Variants in CELF2 observed in about 807,000 individuals in gnomAD.
CELF2 encodes the protein CUG triplet repeat RNA-binding protein 2.
In CELF2, 8 loss-of-function variants were observed where a neutral mutation model predicts 62.6. That is an observed-to-expected ratio of 0.13 (90% CI 0.07 to 0.23). The LOEUF (loss-of-function observed/expected upper bound fraction) is 0.23. Among genes scored for constraint, CELF2 ranks in the 10% least tolerant of loss-of-function variants. CELF2 has a pLI of 1.00. For synonymous variants in CELF2, 258 were observed against 250.0 expected (o/e 1.03, Z -0.30); for missense variants, 333 against 671.0 (o/e 0.50, Z 5.56).
intron 1 of CELF2, among the ~76,000 whole-genome samples, chr10:10,870,816 G>T (rs558375203): frequency 6.6e-6 from 1 of 152,280 alleles, no homozygotes; most frequent in East Asian, 1.9e-4. Flanking sequence ...GGTGACAGTC[G>T]CGCTGGCCTG....
At position 11,027,317 on chromosome 10, in the gene CELF2, C is replaced by A. The variant is rs111460233; in HGVS notation, c.74+9154C>A. 8.2e-3 allele frequency among the ~76,000 whole-genome samples: 1,256 copies of A among 152,288 alleles called. 19 individuals are homozygous for A. Among genetic ancestry groups the A allele is most frequent in the African/African-American group, 0.029 (1,193 of 41,544 alleles). The stretch of plus-strand genomic sequence containing the variant: ...CTCGTTCCCCCTTTTCTTTTACGCT[C>A]TGATGTCCGAAAGTTGCCGCCAGCA... On this transcript the variant is annotated intron_variant, in intron 1 of 12. Coordinates refer to ENST00000633077, the MANE Select transcript of CELF2 (RefSeq NM_001326342.2).
the CELF2 span, among the ~76,000 whole-genome samples, chr10:10,535,012 C>A: frequency 1.3e-5 from 2 of 152,182 alleles, no homozygotes; most frequent in African/African-American, 2.4e-5. Flanking sequence ...ATTAAAATCC[C>A]ATTACATCAG....
chr10:11,121,363 T>C (rs1168702429), intron 1 of CELF2, among the ~76,000 whole-genome samples: 7 of 152,152 alleles, frequency 4.6e-5, no homozygotes, highest in Non-Finnish European at 8.8e-5. Flanking sequence ...ATTAGGCAAA[T>C]TCTTCTGATG....
the CELF2 span, among the ~76,000 whole-genome samples, chr10:10,553,158 AAC>A: frequency 1.3e-5 from 2 of 152,184 alleles, no homozygotes; most frequent in Non-Finnish European, 2.9e-5. Context: ...AGGGGAAGCA[AAC>A]ACACCTTATA....
intron 9 of CELF2, among the ~76,000 whole-genome samples, chr10:11,295,686 A>G (rs1489489686): frequency 2.0e-5 from 3 of 152,220 alleles, no homozygotes; most frequent in Non-Finnish European, 4.4e-5. Flanking sequence ...CCACAGAAGC[A>G]TGACACACAA....
At chr10:11,254,523 C>T (rs2078105624) in intron 4 of CELF2, among the ~76,000 whole-genome samples, 1 of 152,228 alleles carries the variant, frequency 6.6e-6, no homozygotes, top group South Asian at 2.1e-4. Flanking sequence ...GTCAGCATTT[C>T]TTCATGAGTA....
the CELF2 span, among the ~76,000 whole-genome samples, chr10:10,681,826 T>C: frequency 6.6e-6 from 1 of 152,216 alleles, no homozygotes; most frequent in Non-Finnish European, 1.5e-5. Context: ...CTGACAACCA[T>C]GAAAATGAAT....
intron 3 of CELF2, among the ~76,000 whole-genome samples, chr10:11,240,604 A>G (rs2073505463): frequency 8.1e-6 from 1 of 123,198 alleles, no homozygotes; most frequent in Non-Finnish European, 1.7e-5. Flanking sequence ...GCCTGACTCT[A>G]AAGCTATTTT....
intron 1 of CELF2, among the ~76,000 whole-genome samples, chr10:11,038,191 A>C (rs944616405): frequency 6.6e-6 from 1 of 152,218 alleles, no homozygotes; most frequent in African/African-American, 2.4e-5. Flanking sequence ...ACACCAGCAA[A>C]GAGGAGCTGA....
chr10:11,039,224 C>T lies in CELF2; in HGVS notation c.74+21061C>T, dbSNP rs2061432649. Among the ~76,000 whole-genome samples, 1 of 152,208 alleles carries T rather than the reference C, an allele frequency of 6.6e-6. No homozygotes were observed. The highest frequency in any genetic ancestry group is 1.5e-5 in the Non-Finnish European group (1 of 68,040). ...ACAACACTTCGTGCCCTGTATGGCA[C>T]AGAGTGGGTCAAACACATCAGATGA... On this transcript the variant is annotated intron_variant, in intron 1 of 12. Coordinates refer to ENST00000633077, the MANE Select transcript of CELF2 (RefSeq NM_001326342.2). This position sits in a 1 kb window ranked among gnomAD's most constrained non-coding sequence, Gnocchi z 4.1.
chr10:10,543,851 T>C, the CELF2 span, among the ~76,000 whole-genome samples: 1 of 152,174 alleles, frequency 6.6e-6, no homozygotes, highest in Non-Finnish European at 1.5e-5. Context: ...AGGTACCATC[T>C]TGCATTGACT....
chr10:11,006,940 C>T (rs2055383605), intron 1 of CELF2, among the ~76,000 whole-genome samples: 1 of 152,176 alleles, frequency 6.6e-6, no homozygotes, highest in Admixed American at 6.5e-5. Context: ...ATGGAAAAAT[C>T]TGTTTCAAAC....
chr10:10,786,974 G>A, the CELF2 span, among the ~76,000 whole-genome samples: 1 of 151,228 alleles, frequency 6.6e-6, no homozygotes, highest in Admixed American at 6.6e-5. Flanking sequence ...TGTTTTCATA[G>A]TGAACTCATC....
the CELF2 span, among the ~76,000 whole-genome samples, chr10:10,653,323 A>G: frequency 3.7e-4 from 55 of 150,308 alleles, no homozygotes; most frequent in South Asian, 1.1e-3. Flanking sequence ...CAGAAAGTCA[A>G]CAAGGATACC....
At chr10:10,836,148 C>A (rs1414948858) in intron 1 of CELF2, among the ~76,000 whole-genome samples, 1 of 151,910 alleles carries the variant, frequency 6.6e-6, no homozygotes, top group Non-Finnish European at 1.5e-5. Context: ...AATAAAAAAT[C>A]AAACTGATGG....
At chr10:10,650,918 G>A in the CELF2 span, among the ~76,000 whole-genome samples, 648 of 152,208 alleles carry the variant, frequency 4.3e-3, 3 homozygotes, top group Non-Finnish European at 6.7e-3. Context: ...CAGCGTGAGC[G>A]ACGCAGAAGA....
chr10:11,318,126 A>G lies in CELF2; in HGVS notation c.1097-3063A>G, dbSNP rs2095172166. 1 of 152,512 alleles carries G rather than the reference A, an allele frequency of 6.6e-6. No homozygotes were observed. The highest frequency in any genetic ancestry group is 2.1e-4 in the South Asian group (1 of 4,846). 9.4% of individuals were successfully genotyped at this position (152,512 alleles called of 1,614,324 possible). A position where few individuals can be genotyped will look rare whatever the true frequency, so the allele number is the denominator to read the frequency against. On this transcript the variant is annotated intron_variant, in intron 10 of 12. Transcript: ENST00000633077. This position sits in a 1 kb window ranked among gnomAD's most constrained non-coding sequence, Gnocchi z 5.4. The stretch of plus-strand genomic sequence containing the variant: ...TCTTTGATAGAATTAATCTAGAACA[A>G]CATCAGGTGACTCACAGGAACTGTT...
chr10:10,686,487 C>T, the CELF2 span, among the ~76,000 whole-genome samples: 3 of 152,120 alleles, frequency 2.0e-5, no homozygotes, highest in African/African-American at 7.2e-5. Flanking sequence ...TGTGTCCCCA[C>T]CCAAATCTCC....
At chr10:10,674,143 A>G in the CELF2 span, among the ~76,000 whole-genome samples, 1 of 152,216 alleles carries the variant, frequency 6.6e-6, no homozygotes, top group Admixed American at 6.5e-5. Flanking sequence ...AACTATAATC[A>G]TGGATTAATT....
Sources: gnomAD v4.1 joint callset for allele counts (sites outside exome capture counted in the v4.1 genomes callset) on GRCh38, gnomAD v4.1.1 for gene constraint, Gnocchi (gnomAD v3.1) non-coding constraint, MANE v1.5 for transcripts, NCBI Gene and HGNC (gene_info 2026-07-23, HGNC 2026-07-21) for gene names.